The following PHACTR1 variants were observed in gnomAD, a reference collection of about 807,000 sequenced individuals.
PHACTR1 encodes RPEL repeat containing 1.
Under a neutral mutation model 69.2 loss-of-function variants are expected in PHACTR1, and 16 were observed. The ratio of observed to expected loss-of-function variants is 0.23; its 90% CI spans 0.16 to 0.35. The LOEUF (loss-of-function observed/expected upper bound fraction) is 0.35, where lower values mean the gene tolerates loss of function less well. Among genes scored for constraint, PHACTR1 ranks in the 10% least tolerant of loss-of-function variants. PHACTR1 has a pLI of 1.00. For synonymous variants in PHACTR1, 312 were observed against 284.5 expected, an observed-to-expected ratio of 1.10 and a Z score of -0.97; for missense variants, 510 against 734.7, an observed-to-expected ratio of 0.69 and a Z score of 3.54.
At chr6:13,221,219 G>C (rs888598209) in intron 8 of PHACTR1, among the ~76,000 whole-genome samples, 4 of 152,068 alleles carry the variant, frequency 2.6e-5, no homozygotes, top group African/African-American at 9.7e-5. Context: ...AATGGCAAGT[G>C]GTCTGATATG....
At chr6:13,002,644 G>C (rs778308897) in intron 4 of PHACTR1, among the ~76,000 whole-genome samples, 3 of 152,178 alleles carry the variant, frequency 2.0e-5, no homozygotes, top group Non-Finnish European at 4.4e-5. Context: ...ACCAATGCCT[G>C]CCTCGAGAGT....
chr6:13,241,644 A>G (rs1018745989), intron 10 of PHACTR1, among the ~76,000 whole-genome samples: 3 of 152,114 alleles, frequency 2.0e-5, no homozygotes, highest in Non-Finnish European at 4.4e-5. Context: ...AATGAGTAAG[A>G]CTTTCAACTG....
intron 7 of PHACTR1, among the ~76,000 whole-genome samples, chr6:13,194,401 C>CA (rs1297859837): frequency 1.3e-3 from 134 of 99,424 alleles, no homozygotes; most frequent in East Asian, 2.5e-3. Context: ...GACTCCGTCT[C>CA]AAAAAAAAAA....
intron 7 of PHACTR1, among the ~76,000 whole-genome samples, chr6:13,201,129 A>G (rs1373309848): frequency 6.6e-6 from 1 of 151,994 alleles, no homozygotes; most frequent in Admixed American, 6.5e-5. Flanking sequence ...GCTGCAGCAC[A>G]TGTAGGAGGA....
At chr6:13,247,367 C>T (rs116839187) in intron 10 of PHACTR1, among the ~76,000 whole-genome samples, 8,211 of 101,832 alleles carry the variant, frequency 0.081, 671 homozygotes, top group African/African-American at 0.31. Flanking sequence ...GTGTGTGTGA[C>T]GGAGTTTCAT....
intron 5 of PHACTR1, among the ~76,000 whole-genome samples, chr6:13,130,337 CA>C (rs1266749124): frequency 3.3e-5 from 5 of 151,106 alleles, no homozygotes; most frequent in East Asian, 1.9e-4. Context: ...GAAATTGAAA[CA>C]AAAAAAATTA....
At chr6:12,944,789 T>A (rs868230037) in intron 4 of PHACTR1, among the ~76,000 whole-genome samples, 1,395 of 55,182 alleles carry the variant, frequency 0.025, 23 homozygotes, top group African/African-American at 0.072. Flanking sequence ...TTTTATTTAT[T>A]TTTTTTTTTT....
At chr6:12,784,100 C>T (rs184020102) in intron 4 of PHACTR1, among the ~76,000 whole-genome samples, 32 of 151,888 alleles carry the variant, frequency 2.1e-4, no homozygotes, top group East Asian at 1.6e-3. Context: ...TATCTCTACA[C>T]CTACATACAT....
Position 13,260,579 on chromosome 6 carries a change from T to C in PHACTR1, c.1392-12281T>C, listed in dbSNP as rs73357197. On this transcript the variant is annotated intron_variant, in intron 10 of 14. Coordinates refer to ENST00000332995, the MANE Select transcript of PHACTR1 (RefSeq NM_030948.6). ...CAGTTAAAGTATTCTCTTTGTTCCA[T>C]CGCACAGAGATGAAAAAGCTGAGGC... 3.2e-3 allele frequency among the ~76,000 whole-genome samples: 480 copies of C among 152,252 alleles called. 3 individuals carry two copies. Among genetic ancestry groups the C allele is most frequent in the African/African-American group, 0.011 (458 of 41,538 alleles).
At chr6:13,226,977 C>T (rs1272558897) in intron 8 of PHACTR1, among the ~76,000 whole-genome samples, 2 of 152,164 alleles carry the variant, frequency 1.3e-5, no homozygotes, top group Non-Finnish European at 2.9e-5. Context: ...ACCCCGTGAT[C>T]CACCTGCCTC....
chr6:13,042,274 T>C (rs943292066), intron 4 of PHACTR1, among the ~76,000 whole-genome samples: 12 of 152,176 alleles, frequency 7.9e-5, no homozygotes, highest in African/African-American at 2.9e-4. Flanking sequence ...TACATGAACA[T>C]TAGGCATTTT....
intron 4 of PHACTR1, among the ~76,000 whole-genome samples, chr6:12,775,812 C>T (rs1470322492): frequency 6.6e-6 from 1 of 152,160 alleles, no homozygotes; most frequent in Non-Finnish European, 1.5e-5. Context: ...TACCTACCTC[C>T]AGGCAGAAGA....
intron 4 of PHACTR1, among the ~76,000 whole-genome samples, chr6:12,859,575 AAAAGGTAGC>A (rs1233763936): frequency 6.6e-6 from 1 of 152,192 alleles, no homozygotes; most frequent in Non-Finnish European, 1.5e-5. Context: ...AGGCAATGAG[AAAAGGTAGC>A]AGTTGAGGAT....
chr6:13,078,151 GT>G (rs199777207), intron 5 of PHACTR1, among the ~76,000 whole-genome samples: 1 of 151,678 alleles, frequency 6.6e-6, no homozygotes, highest in African/African-American at 2.4e-5. Flanking sequence ...CCCTAGAGCT[GT>G]TTTTTTTGGG....
intron 8 of PHACTR1, among the ~76,000 whole-genome samples, chr6:13,224,622 A>T (rs973041476): frequency 6.6e-6 from 1 of 152,192 alleles, no homozygotes; most frequent in Non-Finnish European, 1.5e-5. Flanking sequence ...ACAGTGACTG[A>T]TGTTCTGCTG....
intron 4 of PHACTR1, among the ~76,000 whole-genome samples, chr6:13,003,964 T>TATATATATATATATATATATA (rs1798440595): frequency 9.8e-6 from 1 of 102,150 alleles, no homozygotes; most frequent in Admixed American, 8.7e-5. Flanking sequence ...TATATATATA[T>TATATATATATATATATATATA]GTATATATAT....
At chr6:12,867,340 G>A (rs1458911845) in intron 4 of PHACTR1, among the ~76,000 whole-genome samples, 1 of 152,130 alleles carries the variant, frequency 6.6e-6, no homozygotes, top group Non-Finnish European at 1.5e-5. Flanking sequence ...ATTGCAAACT[G>A]GAAATAACAA....
At chr6:13,019,537 CAA>C (rs1417674838) in intron 4 of PHACTR1, among the ~76,000 whole-genome samples, 1 of 152,214 alleles carries the variant, frequency 6.6e-6, no homozygotes, top group Non-Finnish European at 1.5e-5. Flanking sequence ...ACCAGCAATT[CAA>C]AGTCAGCTTG....
At chr6:12,780,271 G>GTA (rs1404240736) in intron 4 of PHACTR1, among the ~76,000 whole-genome samples, 5 of 151,842 alleles carry the variant, frequency 3.3e-5, no homozygotes, top group Non-Finnish European at 7.4e-5. Context: ...GTGTGTGTGT[G>GTA]TGTGTGTGTG....
Sources: gnomAD v4.1 joint callset for allele counts (sites outside exome capture counted in the v4.1 genomes callset) on GRCh38, gnomAD v4.1.1 for gene constraint, MANE v1.5 for transcripts, NCBI Gene and HGNC (gene_info 2026-07-23, HGNC 2026-07-21) for gene names.